Variants in HGF observed in about 807,000 individuals in gnomAD.
HGF encodes the protein fibroblast-derived tumor cytotoxic factor.
A neutral mutation model predicts 111.6 loss-of-function variants in HGF; 39 were observed. The observed-to-expected ratio is 0.35, with a 90% CI of 0.27 to 0.46. The LOEUF is 0.46. Ranked by LOEUF, HGF falls within the 20% of genes least tolerant of loss-of-function variation. HGF has a pLI of 1.00. For synonymous variants in HGF, 285 were observed against 294.8 expected (o/e 0.97, Z 0.34); for missense variants, 735 against 910.5 (o/e 0.81, Z 2.48).
At position 81,757,185 on chromosome 7, in the gene HGF, T is replaced by G; in HGVS notation, c.482+4A>C. ...TTCATCTCTTTTCTTCATACTGTTC[T>G]TACCTGTGTTCGTGTGGTATCATGG... On this transcript the variant is annotated splice_donor_region_variant and intron_variant, in intron 4 of 17. Transcript: ENST00000222390. The G allele has an allele frequency of 7.1e-7, 1 of 1,409,442 alleles. No homozygotes were observed. The highest frequency in any genetic ancestry group is 1.0e-6 in the Non-Finnish European group (1 of 993,236). 87.3% of individuals were successfully genotyped at this position (1,409,442 alleles called of 1,614,324 possible).
chr7:81,726,696 G>C (rs1790021690), intron 8 of HGF, among the ~76,000 whole-genome samples: 1 of 151,882 alleles, frequency 6.6e-6, no homozygotes, highest in Non-Finnish European at 1.5e-5. Flanking sequence ...TTTCAATGTA[G>C]TACACGTATA....
At chr7:81,757,397 C>A in intron 3 of HGF, 94 bp from the exon 4 acceptor site, 1 of 705,384 alleles carries the variant, frequency 1.4e-6, no homozygotes, top group Non-Finnish European at 2.6e-6. Flanking sequence ...GTAATTAACT[C>A]TTGTAAACTA....
At chr7:81,734,536 GA>G (rs1787763163) in intron 7 of HGF, among the ~76,000 whole-genome samples, 1 of 152,092 alleles carries the variant, frequency 6.6e-6, no homozygotes. Flanking sequence ...GATTTGAACA[GA>G]TTTTTTTTGA....
intron 7 of HGF, among the ~76,000 whole-genome samples, chr7:81,740,689 A>G (rs2115997873): frequency 6.6e-6 from 1 of 152,318 alleles, no homozygotes; most frequent in Non-Finnish European, 1.5e-5. Flanking sequence ...GCCATATTGT[A>G]GAGAGGGTTA....
intron 2 of HGF, among the ~76,000 whole-genome samples, chr7:81,762,432 G>A (rs754590885): frequency 6.6e-6 from 1 of 152,046 alleles, no homozygotes; most frequent in African/African-American, 2.4e-5. Flanking sequence ...TTTCATTTTA[G>A]TTACTCAAAT....
Position 81,699,326 on chromosome 7 carries a change from G to A in HGF, c.*3255C>T, listed in dbSNP as rs2115725760. 6.6e-6 allele frequency: 1 copy of A among 151,512 alleles called. No individual in the cohort carries two copies. Among genetic ancestry groups the A allele is most frequent in the East Asian group, 1.9e-4 (1 of 5,156 alleles). The allele number at this position is 151,512 out of a possible 1,614,324, so 9.4% of individuals were successfully genotyped here. On this transcript the variant is annotated 3_prime_UTR_variant, in exon 18 of 18. Transcript: ENST00000222390. ...AAAAATTTTAACTTTTTTTGTATTA[G>A]TAAATTCTTAGCTCCAACCTTAGTT...
chr7:81,751,376 A>G, intron 5 of HGF: 1 of 985,242 alleles, frequency 1.0e-6, no homozygotes, highest in South Asian at 4.7e-5. Flanking sequence ...ATGAAACCAC[A>G]TACAATGCTG....
At chr7:81,702,801 A>G in intron 17 of HGF, 44 bp from the exon 18 acceptor site, 4 of 1,525,312 alleles carry the variant, frequency 2.6e-6, no homozygotes, top group Non-Finnish European at 3.6e-6. Context: ...TAGGAATTAA[A>G]AAAAAGCTCA....
chr7:81,762,849 T>C lies in HGF; in HGVS notation c.112A>G (p.Thr38Ala). 1 of 1,565,912 alleles carries C rather than the reference T, an allele frequency of 6.4e-7. No individual in the cohort carries two copies. The highest frequency in any genetic ancestry group is 2.2e-5 in the East Asian group (1 of 44,518). ...GCTGATTTTTTGAATTCATGAATTGTATTTCTTCTTTTCCTTTGTCCCTCT... is the reference window on the plus strand; with the variant it reads ...GCTGATTTTTTGAATTCATGAATTGCATTTCTTCTTTTCCTTTGTCCCTCT... ...YAEGQRKRRN[T>A]IHEFKKSAKT... Residue 38 changes from threonine to alanine, a missense_variant, in exon 2 of 18, where the codon ACA becomes GCA. Physicochemically the swap from Thr to Ala is moderately conservative, Grantham distance 58. Coordinates refer to ENST00000222390, the MANE Select transcript of HGF (RefSeq NM_000601.6).
At chr7:81,729,880 T>G in intron 7 of HGF, 101 bp from the exon 8 acceptor site, 6 of 970,724 alleles carry the variant, frequency 6.2e-6, no homozygotes, top group Non-Finnish European at 9.2e-6. Flanking sequence ...CAGATTTTTT[T>G]TTCTGTTACT....
intron 7 of HGF, among the ~76,000 whole-genome samples, chr7:81,738,659 C>A (rs1787913381): frequency 6.6e-6 from 1 of 152,100 alleles, no homozygotes; most frequent in South Asian, 2.1e-4. Flanking sequence ...TGTAGTTCAG[C>A]TTTTGAACAA....
chr7:81,758,398 T>G (rs1160468564), intron 3 of HGF, among the ~76,000 whole-genome samples: 2 of 151,920 alleles, frequency 1.3e-5, no homozygotes, highest in African/African-American at 2.4e-5. Flanking sequence ...CTTTCTAAAA[T>G]GAACATGGAG....
chr7:81,739,709 G>C (rs951738795), intron 7 of HGF, among the ~76,000 whole-genome samples: 1 of 152,030 alleles, frequency 6.6e-6, no homozygotes, highest in Non-Finnish European at 1.5e-5. Context: ...ATTCACCTGA[G>C]AGAAGAAGAG....
intron 11 of HGF, among the ~76,000 whole-genome samples, chr7:81,712,074 A>G (rs934638178): frequency 1.3e-5 from 2 of 152,136 alleles, no homozygotes; most frequent in Non-Finnish European, 2.9e-5. Context: ...GCAGAGCCCT[A>G]TTTTATGACT....
chr7:81,743,064 C>A (rs1338214788), intron 7 of HGF: 3 of 956,084 alleles, frequency 3.1e-6, no homozygotes, highest in African/African-American at 3.3e-5. Context: ...CTTTTTCTCT[C>A]TCTGTGGTTT....
chr7:81,727,129 C>G (rs1249210421), intron 8 of HGF, among the ~76,000 whole-genome samples: 1 of 151,602 alleles, frequency 6.6e-6, no homozygotes, highest in Non-Finnish European at 1.5e-5. Context: ...CAAGCTCCGC[C>G]TCCCAGGTTC....
At chr7:81,717,813 G>T (rs1163635384) in intron 10 of HGF, among the ~76,000 whole-genome samples, 1 of 152,032 alleles carries the variant, frequency 6.6e-6, no homozygotes, top group African/African-American at 2.4e-5. Context: ...CTATGACAGA[G>T]TACAAGAAGA....
intron 11 of HGF, among the ~76,000 whole-genome samples, chr7:81,715,147 T>G (rs1017619953): frequency 1.3e-5 from 2 of 152,094 alleles, no homozygotes; most frequent in Admixed American, 6.6e-5. Context: ...ACCATGCATA[T>G]GTGCTAGATA....
intron 11 of HGF, among the ~76,000 whole-genome samples, chr7:81,713,954 A>G (rs1208298069): frequency 6.6e-6 from 1 of 151,202 alleles, no homozygotes; most frequent in African/African-American, 2.4e-5. Flanking sequence ...GTCAATGATA[A>G]AAGTTTTACC....
Sources: gnomAD v4.1 joint callset for allele counts (sites outside exome capture counted in the v4.1 genomes callset) on GRCh38, gnomAD v4.1.1 for gene constraint, MANE v1.5 for transcripts, NCBI Gene and HGNC (gene_info 2026-07-23, HGNC 2026-07-21) for gene names.